SLCO1B3: variants seen among roughly 807,000 people sequenced by gnomAD.
SLCO1B3 encodes liver-specific organic anion transporter 2.
In SLCO1B3, 72 loss-of-function variants were observed where a neutral mutation model predicts 71.8. That is an observed-to-expected ratio of 1.00 (90% CI 0.83 to 1.22). SLCO1B3 has a LOEUF of 1.22. Ranked by LOEUF, SLCO1B3 falls within the 50% of genes most tolerant of loss-of-function variation. SLCO1B3 has a pLI of 0.00. For synonymous variants in SLCO1B3, 298 were observed against 278.4 expected (o/e 1.07, Z -0.70); for missense variants, 911 against 819.7 (o/e 1.11, Z -1.36).
chr12:20,876,135 A>C (rs1247468032), intron 9 of SLCO1B3, among the ~76,000 whole-genome samples: 3 of 151,746 alleles, frequency 2.0e-5, no homozygotes, highest in Non-Finnish European at 4.4e-5. Flanking sequence ...GTATTCAAAA[A>C]TGAAGTGAAA....
In SLCO1B3 at chr12:20,861,335, G is replaced by A. The variant is rs4149119; in HGVS notation, c.481+197G>A. On this transcript the variant is annotated intron_variant, in intron 6 of 15. Coordinates refer to ENST00000381545, the MANE Select transcript of SLCO1B3 (RefSeq NM_019844.4). ...ACACAGGTTTGAACTGCACCTGTTC[G>A]CTTATATGCAGCTTTTGTCCAACCA... Among the ~76,000 whole-genome samples, 110,137 of 151,976 alleles carry A rather than the reference G, an allele frequency of 0.72. 42,497 individuals carry two copies. Among genetic ancestry groups the A allele is most frequent in the South Asian group, 0.9 (4,342 of 4,822 alleles).
At chr12:20,884,777 A>G (rs1474127838) in intron 13 of SLCO1B3, among the ~76,000 whole-genome samples, 2 of 152,020 alleles carry the variant, frequency 1.3e-5, no homozygotes, top group Non-Finnish European at 2.9e-5. Flanking sequence ...TGGTAGAAAA[A>G]AAAAAAGCAA....
rs577605207 is a variant in SLCO1B3 at position 20,910,058 on chromosome 12, G to C, written c.1866-5946G>C. On this transcript the variant is annotated intron_variant, in intron 15 of 15. Coordinates refer to ENST00000381545, the MANE Select transcript of SLCO1B3 (RefSeq NM_019844.4). The stretch of plus-strand genomic sequence containing the variant: ...CTGAAAAGTCATAACCGAATCCTAG[G>C]TTGCTTACTCCTGTGTTACGTCCTA... Among the ~76,000 whole-genome samples the C allele has an allele frequency of 1.4e-4, 21 of 152,182 alleles. 1 individual carries two copies. Among genetic ancestry groups the C allele is most frequent in the South Asian group, 1.0e-3 (5 of 4,826 alleles).
intron 3 of SLCO1B3, among the ~76,000 whole-genome samples, chr12:20,825,587 G>A (rs1864403730): frequency 6.6e-6 from 1 of 151,988 alleles, no homozygotes; most frequent in Non-Finnish European, 1.5e-5. Flanking sequence ...CTTGAGGTCT[G>A]GACTTCAAGA....
At chr12:20,814,153 G>A (rs1294453616) in intron 2 of SLCO1B3, among the ~76,000 whole-genome samples, 1 of 151,954 alleles carries the variant, frequency 6.6e-6, no homozygotes, top group Non-Finnish European at 1.5e-5. Flanking sequence ...TATGTGTTAT[G>A]CATATATGTA....
rs200104106 is a variant in SLCO1B3 at position 20,815,706 on chromosome 12, TA to T, written c.-28del. On this transcript the variant is annotated 5_prime_UTR_variant, in exon 3 of 16. Transcript: ENST00000381545. ...TTTCAAACCAAGCATCAGCAACAAT[TA>T]AAAATATTCACTTGGTATCTGTAGT... 7.8e-6 allele frequency: 10 copies of T among 1,279,186 alleles called. No individual in the cohort carries two copies. Among genetic ancestry groups the T allele is most frequent in the Non-Finnish European group, 1.1e-5 (10 of 887,670 alleles). The allele number at this position is 1,279,186 out of a possible 1,614,324, so 79.2% of individuals were successfully genotyped here.
At position 20,849,102 on chromosome 12, in the gene SLCO1B3, AT is replaced by A. The variant is rs151217916; in HGVS notation, c.85-5916del. On this transcript the variant is annotated intron_variant, in intron 3 of 15. Transcript: ENST00000381545. Reference sequence around the variant, plus strand: ...GAAGCTCTCTGTAATTTATGGTCAAATTTTTTTTTTGTGAATCTAAATTGCT... The same window carrying A: ...GAAGCTCTCTGTAATTTATGGTCAAATTTTTTTTTGTGAATCTAAATTGCT... Among the ~76,000 whole-genome samples, 1,054 of 150,170 alleles carry A rather than the reference AT, an allele frequency of 7.0e-3. 9 individuals carry two copies. The highest frequency in any genetic ancestry group is 0.023 in the African/African-American group (964 of 41,054).
At chr12:20,859,563 A>G (rs183484999) in intron 5 of SLCO1B3, among the ~76,000 whole-genome samples, 8 of 150,174 alleles carry the variant, frequency 5.3e-5, no homozygotes, top group Middle Eastern at 3.5e-3. Flanking sequence ...ATATTCCACA[A>G]TCTTGATTCA....
chr12:20,850,423 G>A (rs1194922689), intron 3 of SLCO1B3, among the ~76,000 whole-genome samples: 1 of 151,790 alleles, frequency 6.6e-6, no homozygotes, highest in African/African-American at 2.4e-5. Context: ...GGGACTGCAG[G>A]CACCCACCAC....
intron 8 of SLCO1B3, among the ~76,000 whole-genome samples, chr12:20,868,143 T>C (rs923347986): frequency 6.6e-6 from 1 of 152,200 alleles, no homozygotes; most frequent in Admixed American, 6.5e-5. Flanking sequence ...GTTGACTGTT[T>C]ATGCTATTGG....
rs1487667516 is a variant in SLCO1B3 at position 20,853,334 on chromosome 12, TA to T, written c.85-1690del. Reference sequence around the variant, plus strand: ...TGTTACTTATTCTTTAGGAGTTTGGTAAAATTCTCTAGTGAAGACATTGGTT... The same window carrying T: ...TGTTACTTATTCTTTAGGAGTTTGGTAAATTCTCTAGTGAAGACATTGGTT... On this transcript the variant is annotated intron_variant, in intron 3 of 15. Transcript: ENST00000381545. Among the ~76,000 whole-genome samples the T allele has an allele frequency of 2.0e-5, 3 of 152,216 alleles. No individual in the cohort carries two copies. The East Asian group carries it at 5.8e-4, about 29-fold the overall frequency.
intron 8 of SLCO1B3, among the ~76,000 whole-genome samples, chr12:20,872,900 T>C (rs939326944): frequency 3.9e-5 from 6 of 152,202 alleles, no homozygotes; most frequent in African/African-American, 1.2e-4. Context: ...AGCCCAGCCA[T>C]ATCTTCTTGG....
chr12:20,904,788 T>TTC (rs1866206102), intron 15 of SLCO1B3, among the ~76,000 whole-genome samples: 1 of 86,598 alleles, frequency 1.2e-5, no homozygotes, highest in African/African-American at 3.7e-5. Flanking sequence ...TTTTTTTTTT[T>TTC]CTTGAGACAG....
At chr12:20,893,003 T>C (rs1213824605) in intron 13 of SLCO1B3, among the ~76,000 whole-genome samples, 1 of 152,128 alleles carries the variant, frequency 6.6e-6, no homozygotes, top group East Asian at 1.9e-4. Flanking sequence ...TGAGCAATTA[T>C]AACAAAAGAT....
chr12:20,873,508 G>A (rs1385234752), intron 8 of SLCO1B3, among the ~76,000 whole-genome samples: 2 of 152,202 alleles, frequency 1.3e-5, no homozygotes, highest in Non-Finnish European at 2.9e-5. Context: ...AGATGAGATA[G>A]AAGCTAATCT....
intron 4 of SLCO1B3, among the ~76,000 whole-genome samples, chr12:20,856,589 T>C (rs1865142570): frequency 6.6e-6 from 1 of 152,080 alleles, no homozygotes; most frequent in Non-Finnish European, 1.5e-5. Context: ...CAAGGCAGAG[T>C]CTCCCTCTGT....
At chr12:20,828,593 C>T (rs1298507569) in intron 3 of SLCO1B3, among the ~76,000 whole-genome samples, 1 of 151,688 alleles carries the variant, frequency 6.6e-6, no homozygotes, top group Non-Finnish European at 1.5e-5. Context: ...AGAACTTTTT[C>T]TCAAAAAACA....
chr12:20,815,769 G>A lies in SLCO1B3; in HGVS notation c.31G>A (p.Ala11Thr), dbSNP rs1170642394. 2 of 1,599,058 alleles carry A rather than the reference G, an allele frequency of 1.3e-6. No individual in the cohort carries two copies. Among genetic ancestry groups the A allele is most frequent in the Non-Finnish European group, 1.7e-6 (2 of 1,171,262 alleles). Residue 11 changes from alanine (A) to threonine (T), a missense_variant, in exon 3 of 16, where the codon GCA (alanine) becomes ACA (threonine). Physicochemically the swap from Ala to Thr is moderately conservative, Grantham distance 58. Coordinates refer to ENST00000381545, the MANE Select transcript of SLCO1B3 (RefSeq NM_019844.4). ...CCAACATCAACATTTGAATAAAACA[G>A]CAGAGTCAGCATCTTCAGAGAAAAA... MDQHQHLNKTAESASSEKKKT... is the reference protein window; with the variant it reads MDQHQHLNKTTESASSEKKKT...
intron 15 of SLCO1B3, among the ~76,000 whole-genome samples, chr12:20,911,714 G>C (rs527407991): frequency 2.6e-5 from 4 of 152,076 alleles, no homozygotes; most frequent in African/African-American, 9.7e-5. Context: ...TATTAAAATT[G>C]GGGGCATGAT....
Sources: allele counts gnomAD v4.1 joint callset (sites outside exome capture counted in the v4.1 genomes callset), GRCh38; gene constraint gnomAD v4.1.1; transcripts MANE v1.5; gene names NCBI Gene and HGNC (gene_info 2026-07-23, HGNC 2026-07-21).